The following AMPD3 variants were observed in gnomAD, a reference collection of about 807,000 sequenced individuals.
AMPD3 encodes adenosine monophosphate deaminase 3.
In AMPD3, 57 loss-of-function variants were observed where a neutral mutation model predicts 82.3. The ratio of observed to expected loss-of-function variants is 0.69; its 90% CI spans 0.56 to 0.86. AMPD3 has a LOEUF of 0.86. Among genes scored for constraint, AMPD3 ranks in the 40% least tolerant of loss-of-function variants. The pLI, the probability that AMPD3 is intolerant of heterozygous loss-of-function variation, is 0.00. For missense variants in AMPD3, 870 were observed against 1,003.8 expected, an observed-to-expected ratio of 0.87 and a Z score of 1.80; for synonymous variants, 381 against 394.7, an observed-to-expected ratio of 0.97 and a Z score of 0.41.
Position 10,482,043 on chromosome 11 carries a change from T to C in AMPD3, c.427-20T>C, listed in dbSNP as rs1848923227. ...CAGGCCTGCTGCATGAACCCTTTCC[T>C]GCCTGCCTCCCTTCTGCAGATCACT... On this transcript the variant is annotated intron_variant, in intron 3 of 14. Coordinates refer to ENST00000396553, the MANE Select transcript of AMPD3 (RefSeq NM_001025389.2). 6.2e-7 allele frequency: 1 copy of C among 1,614,086 alleles called. No individual in the cohort carries two copies. Among genetic ancestry groups the C allele is most frequent in the Admixed American group, 1.7e-5 (1 of 60,016 alleles).
intron 7 of AMPD3, 124 bp from the exon 8 acceptor site, chr11:10,494,775 G>C: frequency 1.3e-6 from 2 of 1,578,568 alleles, no homozygotes; most frequent in South Asian, 1.1e-5. Context: ...TTTCATGCAA[G>C]AATTGACATA....
At chr11:10,470,669 T>G (rs998306753) in intron 2 of AMPD3, among the ~76,000 whole-genome samples, 1 of 152,110 alleles carries the variant, frequency 6.6e-6, no homozygotes, top group African/African-American at 2.4e-5. Flanking sequence ...TGTATACTAA[T>G]AACAGACAAA....
At chr11:10,504,399 G>A in intron 13 of AMPD3, 150 bp from the exon 14 acceptor site, 1 of 1,015,258 alleles carries the variant, frequency 9.8e-7, no homozygotes, top group South Asian at 1.4e-5. Context: ...AAGATCTTAG[G>A]CTTTGAAGGT....
chr11:10,461,442 T>G, intron 1 of AMPD3, 73 bp from the exon 2 acceptor site: 1 of 1,610,398 alleles, frequency 6.2e-7, no homozygotes, highest in Non-Finnish European at 8.5e-7. Context: ...TGGCCCTCAC[T>G]TCAGTGCCTT....
chr11:10,501,321 A>G, intron 11 of AMPD3, 149 bp from the exon 12 acceptor site: 1 of 1,445,188 alleles, frequency 6.9e-7, no homozygotes, highest in African/African-American at 1.4e-5. Flanking sequence ...TCTGCATTTT[A>G]GGAGGGGTAG....
chr11:10,500,561 G>C, intron 11 of AMPD3: 1 of 966,806 alleles, frequency 1.0e-6, no homozygotes, highest in Non-Finnish European at 1.2e-6. Flanking sequence ...ACACACACCA[G>C]GGCACACTCC....
chr11:10,451,152 C>T (rs910305584), upstream of AMPD3: 22 of 1,503,784 alleles, frequency 1.5e-5, no homozygotes, highest in Non-Finnish European at 1.8e-5. Flanking sequence ...TTCCGCCTTC[C>T]CTGCTCGCAG....
At chr11:10,484,367 G>A (rs1014689011) in intron 4 of AMPD3, 9 of 985,222 alleles carry the variant, frequency 9.1e-6, no homozygotes, top group African/African-American at 1.7e-5. Flanking sequence ...GCCTGGGCTC[G>A]GGACAGTTAT....
chr11:10,502,882 C>G lies in AMPD3; in HGVS notation c.2004C>G (p.Phe668Leu). The G allele has an allele frequency of 6.2e-7, 1 of 1,614,190 alleles. No individual in the cohort carries two copies. The highest frequency in any genetic ancestry group is 8.5e-7 in the Non-Finnish European group (1 of 1,180,022). The change falls in exon 13 of 15, where the codon TTC (phenylalanine) becomes TTG (leucine). Residue 668 changes from phenylalanine to leucine, a missense_variant. Physicochemically the swap from Phe to Leu is conservative, Grantham distance 22 (BLOSUM62 0). Coordinates refer to ENST00000396553, the MANE Select transcript of AMPD3 (RefSeq NM_001025389.2). ...VSLSTDDPMQFHYTKEALMEE... is the reference protein window; with the variant it reads ...VSLSTDDPMQLHYTKEALMEE... Reference sequence around the variant, plus strand: ...TTTCCACCGATGACCCCATGCAGTTCCACTACACGAAGGTAAGGACTTTGG... The same window carrying G: ...TTTCCACCGATGACCCCATGCAGTTGCACTACACGAAGGTAAGGACTTTGG...
At chr11:10,461,276 A>G in intron 1 of AMPD3, 2 of 1,476,150 alleles carry the variant, frequency 1.4e-6, no homozygotes, top group East Asian at 2.7e-5. Flanking sequence ...TGAACAGTTC[A>G]TTCTTTGAAT....
intron 4 of AMPD3, among the ~76,000 whole-genome samples, chr11:10,483,175 G>A (rs1344526092): frequency 1.3e-5 from 2 of 152,204 alleles, no homozygotes; most frequent in Non-Finnish European, 2.9e-5. Context: ...ATGCTGCCGA[G>A]TTCAGGGAAG....
At chr11:10,460,540 G>C (rs953929904) in intron 1 of AMPD3, among the ~76,000 whole-genome samples, 13 of 151,394 alleles carry the variant, frequency 8.6e-5, no homozygotes, top group Admixed American at 4.0e-4. Flanking sequence ...CTGAGCAGCT[G>C]GGATTACAGG....
At chr11:10,452,530 C>T (rs552636718), upstream of AMPD3, among the ~76,000 whole-genome samples, 46 of 152,148 alleles carry the variant, frequency 3.0e-4, no homozygotes, top group African/African-American at 1.1e-3. Flanking sequence ...TGTTCCTCCT[C>T]CTGATCTGGC....
At chr11:10,505,320 C>A (rs751938344) in intron 14 of AMPD3, 2 of 985,374 alleles carry the variant, frequency 2.0e-6, no homozygotes, top group Non-Finnish European at 2.4e-6. Flanking sequence ...TCTTTTCATG[C>A]GCAGTGTGGT....
intron 1 of AMPD3, among the ~76,000 whole-genome samples, chr11:10,460,062 ATATT>A (rs1848217876): frequency 6.9e-6 from 1 of 144,982 alleles, no homozygotes; most frequent in Admixed American, 7.0e-5. Flanking sequence ...TATATAATAT[ATATT>A]ATATATAATA....
In AMPD3 at chr11:10,487,336, C is replaced by T. The variant is rs1849102999; in HGVS notation, c.911C>T (p.Pro304Leu). The T allele has an allele frequency of 6.2e-7, 1 of 1,614,038 alleles. No homozygotes were observed. The change falls in exon 6 of 15, where the codon CCC (proline) becomes CTC (leucine). Residue 304 changes from proline to leucine, a missense_variant. Coordinates refer to ENST00000396553, the MANE Select transcript of AMPD3 (RefSeq NM_001025389.2). ...MSEFKELKSN[P>L]HRDFYNVRKV... ...GAGTTCAAAGAGTTGAAGAGTAACC[C>T]CCACCGGGACTTCTATAACGTGAGA...
At position 10,471,532 on chromosome 11, in the gene AMPD3, G is replaced by A. The variant is rs9736934; in HGVS notation, c.222-6994G>A. ...TGAATAGGCAACCTTCAGAACAGGA[G>A]AAAATTTTTTCAATCTATCCATCTG... On this transcript the variant is annotated intron_variant, in intron 2 of 14. Coordinates refer to ENST00000396553, the MANE Select transcript of AMPD3 (RefSeq NM_001025389.2). Among the ~76,000 whole-genome samples the A allele has an allele frequency of 8.5e-3, 1,290 of 152,286 alleles. 15 individuals are homozygous for A. The highest frequency in any genetic ancestry group is 0.029 in the African/African-American group (1,217 of 41,550).
chr11:10,503,857 A>G, intron 13 of AMPD3: 1 of 494,640 alleles, frequency 2.0e-6, no homozygotes, highest in Non-Finnish European at 2.6e-6. Flanking sequence ...TGGAAAAGAC[A>G]AGACCTTTCA....
chr11:10,495,705 C>T lies in AMPD3; in HGVS notation c.1402C>T (p.Arg468Cys), dbSNP rs147091692. 1.4e-4 allele frequency: 223 copies of T among 1,614,134 alleles called. No homozygotes were observed. The highest frequency in any genetic ancestry group is 1.6e-4 in the Non-Finnish European group (192 of 1,180,034). Residue 468 changes from arginine to cysteine, a missense_variant, in exon 9 of 15, where the codon CGC becomes TGC. Transcript: ENST00000396553. ...GCACAAGGTCTACTCTCCCAACATGCGCTGGATCATCCAGGTGCCCCGGAT... is the reference window on the plus strand; with the variant it reads ...GCACAAGGTCTACTCTCCCAACATGTGCTGGATCATCCAGGTGCCCCGGAT... ...IQHKVYSPNM[R>C]WIIQVPRIYD...
Sources: gnomAD v4.1 joint callset for allele counts (sites outside exome capture counted in the v4.1 genomes callset) on GRCh38, gnomAD v4.1.1 for gene constraint, MANE v1.5 for transcripts, NCBI Gene and HGNC (gene_info 2026-07-23, HGNC 2026-07-21) for gene names.